Variants in ARMC8 observed in about 807,000 individuals in gnomAD.
The protein encoded by ARMC8 is armadillo repeat containing 8.
Under a neutral mutation model 99.3 loss-of-function variants are expected in ARMC8, and 20 were observed. That is an observed-to-expected ratio of 0.20 (90% confidence interval 0.14 to 0.29). The LOEUF (loss-of-function observed/expected upper bound fraction) is 0.29, where lower values mean the gene tolerates loss of function less well. Ranked by LOEUF, ARMC8 falls within the 10% of genes least tolerant of loss-of-function variation. The pLI is 1.00. For synonymous variants in ARMC8, 263 were observed against 278.3 expected (o/e 0.95, Z 0.55); for missense variants, 569 against 809.5 (o/e 0.70, Z 3.60).
At chr3:138,290,396 G>A in intron 20 of ARMC8, 150 bp from the exon 21 acceptor site, 1 of 612,372 alleles carries the variant, frequency 1.6e-6, no homozygotes, top group South Asian at 2.0e-5. Context: ...AGCATGAGCG[G>A]GTCCAACTAC....
rs1405563886 is a variant in ARMC8 at position 138,282,270 on chromosome 3, A to G, written c.1726-2161A>G. 3.3e-5 allele frequency among the ~76,000 whole-genome samples: 5 copies of G among 152,194 alleles called. No homozygotes were observed. The East Asian group carries it at 9.6e-4, about 29-fold the overall frequency. On this transcript the variant is annotated intron_variant, in intron 18 of 21. Coordinates refer to ENST00000469044, the MANE Select transcript of ARMC8 (RefSeq NM_001363941.2). ...AATCACTTTAAGGAATTCGAGCAGAACTAGAAGGAATGTGGTATTGTGAGT... is the reference window on the plus strand; with the variant it reads ...AATCACTTTAAGGAATTCGAGCAGAGCTAGAAGGAATGTGGTATTGTGAGT...
Position 138,241,868 on chromosome 3 carries a change from T to C in ARMC8, c.923T>C (p.Ile308Thr), listed in dbSNP as rs2046642911. Residue 308 changes from isoleucine to threonine, a missense_variant, in exon 11 of 22, where the codon ATT becomes ACT. By Grantham distance (89) the Ile-to-Thr change is moderately conservative. Coordinates refer to ENST00000469044, the MANE Select transcript of ARMC8 (RefSeq NM_001363941.2). ...VEGAETLAYL[I>T]EPDVELQRIA... ...GGAGCTGAGACACTTGCCTATCTGA[T>C]TGAACCAGATGTTGAGCTACAGAGA... 6.2e-7 allele frequency: 1 copy of C among 1,614,096 alleles called. No homozygotes were observed. The highest frequency in any genetic ancestry group is 1.1e-5 in the South Asian group (1 of 91,088).
At chr3:138,242,084 T>G in intron 11 of ARMC8, 101 bp downstream of exon 11, 1 of 879,796 alleles carries the variant, frequency 1.1e-6, no homozygotes, top group Non-Finnish European at 1.8e-6. Flanking sequence ...CTTAAAGCCC[T>G]TTTAAATAAA....
intron 2 of ARMC8, among the ~76,000 whole-genome samples, chr3:138,218,233 G>A (rs904865581): frequency 6.6e-6 from 1 of 152,058 alleles, no homozygotes; most frequent in Non-Finnish European, 1.5e-5. Flanking sequence ...CACAAGGGGG[G>A]GCATCAGCCA....
intron 20 of ARMC8, 124 bp downstream of exon 20, chr3:138,289,244 C>G (rs1237142433): frequency 1.4e-6 from 1 of 720,722 alleles, no homozygotes; most frequent in Non-Finnish European, 2.3e-6. Flanking sequence ...GGCCCAAGCA[C>G]CCTCTAGAGT....
At chr3:138,286,588 A>G (rs1021688549) in intron 19 of ARMC8, among the ~76,000 whole-genome samples, 1 of 152,164 alleles carries the variant, frequency 6.6e-6, no homozygotes, top group Non-Finnish European at 1.5e-5. Context: ...TCATTGTACA[A>G]TAGGACCTCG....
chr3:138,198,413 A>G (rs2043858885), intron 1 of ARMC8, among the ~76,000 whole-genome samples: 2 of 151,968 alleles, frequency 1.3e-5, no homozygotes, highest in South Asian at 4.1e-4. Flanking sequence ...GCCCACTGTA[A>G]TATAAAATAT....
intron 14 of ARMC8, among the ~76,000 whole-genome samples, chr3:138,265,660 C>T (rs2048207060): frequency 6.6e-6 from 1 of 152,120 alleles, no homozygotes; most frequent in Non-Finnish European, 1.5e-5. Context: ...AGCAGAATAG[C>T]ATGAGGAGAA....
chr3:138,232,411 G>A (rs1279866180), intron 6 of ARMC8, among the ~76,000 whole-genome samples: 1 of 152,120 alleles, frequency 6.6e-6, no homozygotes, highest in Admixed American at 6.6e-5. Context: ...CAGCACCAGG[G>A]AACAATTATA....
intron 11 of ARMC8, 121 bp downstream of exon 11, chr3:138,242,104 A>G: frequency 4.0e-6 from 3 of 742,308 alleles, no homozygotes; most frequent in Admixed American, 2.8e-5. Context: ...AGGTTCTTTT[A>G]TCTTTGGTAA....
chr3:138,226,385 T>G (rs1027217398), intron 5 of ARMC8, among the ~76,000 whole-genome samples: 3 of 152,238 alleles, frequency 2.0e-5, no homozygotes, highest in Non-Finnish European at 4.4e-5. Context: ...GTAGTCGTTC[T>G]CAGACTTGAA....
intron 5 of ARMC8, among the ~76,000 whole-genome samples, chr3:138,224,021 C>T (rs964743495): frequency 6.8e-6 from 1 of 147,186 alleles, no homozygotes. Context: ...TGCAGTGGCG[C>T]GATCTCGGCT....
Position 138,197,361 on chromosome 3 carries a change from T to G in ARMC8, c.45+9762T>G, listed in dbSNP as rs186949489. Among the ~76,000 whole-genome samples the G allele has an allele frequency of 4.3e-3, 651 of 152,352 alleles. 7 individuals carry two copies. Among genetic ancestry groups the G allele is most frequent in the Middle Eastern group, 3.4e-3 (1 of 294 alleles). On this transcript the variant is annotated intron_variant, in intron 1 of 21. Transcript: ENST00000469044. ...AATCTGAAGCAAATAAAGCCCTTTT[T>G]TATCAGGAAGGCGCCTGGCCTGTCT...
intron 1 of ARMC8, among the ~76,000 whole-genome samples, chr3:138,190,576 A>G (rs1306044995): frequency 2.0e-5 from 3 of 152,168 alleles, no homozygotes; most frequent in African/African-American, 7.2e-5. Context: ...GGTGTGAGCC[A>G]CTGCACCCGG....
chr3:138,284,552 A>G, intron 19 of ARMC8, 26 bp downstream of exon 19: 1 of 1,516,498 alleles, frequency 6.6e-7, no homozygotes, highest in South Asian at 1.1e-5. Context: ...CTTTCACCGT[A>G]GGATTAGAAT....
intron 18 of ARMC8, among the ~76,000 whole-genome samples, chr3:138,279,520 T>A (rs2049662180): frequency 6.6e-6 from 1 of 152,188 alleles, no homozygotes; most frequent in South Asian, 2.1e-4. Context: ...AATAATGTCT[T>A]TTTCTGGTTT....
At chr3:138,246,006 A>G in intron 12 of ARMC8, 1 of 985,356 alleles carries the variant, frequency 1.0e-6, no homozygotes, top group Non-Finnish European at 1.2e-6. Context: ...TTTACTGAAC[A>G]TGATGATTTA....
chr3:138,202,080 C>T (rs1351996692), intron 1 of ARMC8, among the ~76,000 whole-genome samples: 2 of 152,162 alleles, frequency 1.3e-5, no homozygotes, highest in Non-Finnish European at 2.9e-5. Context: ...AGAGTTCAAA[C>T]TTCCTATTTT....
intron 21 of ARMC8, among the ~76,000 whole-genome samples, chr3:138,293,880 C>A (rs1294846295): frequency 6.6e-6 from 1 of 152,176 alleles, no homozygotes; most frequent in Non-Finnish European, 1.5e-5. Flanking sequence ...TTGCTTAGAC[C>A]ACTCTGGTGC....
Sources: gnomAD v4.1 joint callset for allele counts (sites outside exome capture counted in the v4.1 genomes callset) on GRCh38, gnomAD v4.1.1 for gene constraint, MANE v1.5 for transcripts, NCBI Gene and HGNC (gene_info 2026-07-23, HGNC 2026-07-21) for gene names.